C16orf87: variants seen among roughly 807,000 people sequenced by gnomAD.
C16orf87 encodes UPF0547 protein C16orf87.
In C16orf87, 13 loss-of-function variants were observed where a neutral mutation model predicts 21.0. The ratio of observed to expected loss-of-function variants is 0.62; its 90% CI spans 0.40 to 0.98. The LOEUF is 0.98. C16orf87 is among the 50% of genes least tolerant of loss of function. C16orf87 has a pLI of 0.00. For synonymous variants in C16orf87, 49 were observed against 60.2 expected (o/e 0.81, Z 0.86); for missense variants, 113 against 180.4 (o/e 0.63, Z 2.14).
At chr16:46,830,966 G>T in intron 1 of C16orf87, 118 bp downstream of exon 1, 1 of 622,006 alleles carries the variant, frequency 1.6e-6, no homozygotes, top group South Asian at 3.9e-5. Context: ...CGCCGCCGCC[G>T]GCGGGCCCCA....
At chr16:46,805,399 T>C (rs964825723) in intron 3 of C16orf87, among the ~76,000 whole-genome samples, 8 of 152,190 alleles carry the variant, frequency 5.3e-5, no homozygotes, top group Admixed American at 4.6e-4. Context: ...TCATCTATGT[T>C]TTGGGGTTTT....
intron 2 of C16orf87, among the ~76,000 whole-genome samples, chr16:46,819,557 G>A (rs943687999): frequency 6.6e-6 from 1 of 151,444 alleles, no homozygotes; most frequent in Admixed American, 6.6e-5. Context: ...TGATCCGCCC[G>A]CCTCAGTCTC....
chr16:46,826,330 T>C (rs1959618050), intron 1 of C16orf87, among the ~76,000 whole-genome samples: 1 of 152,208 alleles, frequency 6.6e-6, no homozygotes, highest in Admixed American at 6.5e-5. Flanking sequence ...CGAAAAAGTA[T>C]TTACAGAATA....
Position 46,799,595 on chromosome 16 carries a change from C to T in C16orf87, c.*3357G>A, listed in dbSNP as rs1002068106. On this transcript the variant is annotated 3_prime_UTR_variant, in exon 4 of 4. Transcript: ENST00000285697. ...ACGGACAAAATGTTTTAGAGAAGAACACAATTTGGCAGAATGACTACCTGT... is the reference window on the plus strand; with the variant it reads ...ACGGACAAAATGTTTTAGAGAAGAATACAATTTGGCAGAATGACTACCTGT... The T allele has an allele frequency of 6.6e-6, 1 of 152,182 alleles. No homozygotes were observed. The highest frequency in any genetic ancestry group is 1.5e-5 in the Non-Finnish European group (1 of 68,022). The allele number at this position is 152,182 out of a possible 1,614,324, so 9.4% of individuals were successfully genotyped here. A position where few individuals can be genotyped will look rare whatever the true frequency, so the allele number is the denominator to read the frequency against.
chr16:46,831,151 C>G lies in C16orf87; in HGVS notation c.-2G>C. 1 of 1,569,938 alleles carries G rather than the reference C, an allele frequency of 6.4e-7. No individual in the cohort carries two copies. The highest frequency in any genetic ancestry group is 8.7e-7 in the Non-Finnish European group (1 of 1,155,472). On this transcript the variant is annotated 5_prime_UTR_variant, in exon 1 of 4. Coordinates refer to ENST00000285697, the MANE Select transcript of C16orf87 (RefSeq NM_001001436.4). ...TTTCTTGGCTCGAGTTGCAGACATGCTCCTCTCCCTTAGCGGCGGCAGCAG... is the reference window on the plus strand; with the variant it reads ...TTTCTTGGCTCGAGTTGCAGACATGGTCCTCTCCCTTAGCGGCGGCAGCAG...
At chr16:46,810,899 G>C (rs1331149527) in intron 2 of C16orf87, among the ~76,000 whole-genome samples, 1 of 152,094 alleles carries the variant, frequency 6.6e-6, no homozygotes, top group Admixed American at 6.6e-5. Flanking sequence ...AACTGTAACA[G>C]ATTGAAATAT....
At chr16:46,807,085 A>G (rs755171209) in intron 3 of C16orf87, among the ~76,000 whole-genome samples, 1 of 152,262 alleles carries the variant, frequency 6.6e-6, no homozygotes, top group South Asian at 2.1e-4. Context: ...TTACTTCTGC[A>G]CCAACCTAAT....
At chr16:46,825,552 A>G (rs2143165000) in intron 1 of C16orf87, among the ~76,000 whole-genome samples, 1 of 152,322 alleles carries the variant, frequency 6.6e-6, no homozygotes, top group Middle Eastern at 3.4e-3. Context: ...CCCCTCAAGC[A>G]TTCTTCCTTT....
chr16:46,826,054 T>C (rs956567666), intron 1 of C16orf87, among the ~76,000 whole-genome samples: 1 of 152,060 alleles, frequency 6.6e-6, no homozygotes, highest in Non-Finnish European at 1.5e-5. Context: ...TAGGAGAAGG[T>C]AGGAATTTAG....
chr16:46,812,865 C>T (rs1968135044), intron 2 of C16orf87, among the ~76,000 whole-genome samples: 1 of 152,152 alleles, frequency 6.6e-6, no homozygotes, highest in Non-Finnish European at 1.5e-5. Flanking sequence ...CCTCACTTAC[C>T]ATCTTACACC....
intron 2 of C16orf87, among the ~76,000 whole-genome samples, chr16:46,813,884 T>C (rs925267037): frequency 6.6e-6 from 1 of 152,214 alleles, no homozygotes; most frequent in Non-Finnish European, 1.5e-5. Context: ...TCAATGCGTC[T>C]CCTCCATCAA....
intron 1 of C16orf87, among the ~76,000 whole-genome samples, chr16:46,829,229 A>AG (rs1254396866): frequency 6.6e-6 from 1 of 152,146 alleles, no homozygotes; most frequent in East Asian, 1.9e-4. Context: ...CCAAGAAGAG[A>AG]GCCCTCACCA....
intron 2 of C16orf87, among the ~76,000 whole-genome samples, chr16:46,822,143 C>CAG (rs1207782714): frequency 2.0e-5 from 3 of 152,142 alleles, no homozygotes; most frequent in Admixed American, 6.5e-5. Context: ...CTCAACTTCC[C>CAG]AGGCTGATGC....
At chr16:46,830,307 A>AGAGAGAGAGAGAGAGAGAGAGAGAGT (rs758468161) in intron 1 of C16orf87, among the ~76,000 whole-genome samples, 12 of 109,236 alleles carry the variant, frequency 1.1e-4, no homozygotes, top group Admixed American at 2.0e-4. Flanking sequence ...AGAGAGAGAG[A>AGAGAGAGAGAGAGAGAGAGAGAGAGT]GACACACAGA....
chr16:46,808,250 T>C (rs1479124893), intron 3 of C16orf87: 2 of 372,586 alleles, frequency 5.4e-6, no homozygotes, highest in Admixed American at 7.3e-5. Context: ...TAGTACAGCC[T>C]TCCTAGAATA....
chr16:46,828,361 TAAAA>T (rs1000366018), intron 1 of C16orf87, among the ~76,000 whole-genome samples: 1 of 151,836 alleles, frequency 6.6e-6, no homozygotes, highest in African/African-American at 2.4e-5. Flanking sequence ...TCCTTTAAAT[TAAAA>T]AAAAGCTGCT....
rs767373972 is a variant in C16orf87 at position 46,809,749 on chromosome 16, CT to C, written c.199del (p.Arg67GlufsTer7). 33 of 1,610,212 alleles carry C rather than the reference CT, an allele frequency of 2.0e-5. No homozygotes were observed. Among genetic ancestry groups the C allele is most frequent in the Non-Finnish European group, 2.7e-5 (32 of 1,177,134 alleles). ...AGAATTTATCTTCTCTCTCCTAACT[CT>C]CTCTGTTCGCCTCCTCTTGGCCTCA... ...KHEAKRRRTE[R>X]VRREKINSTV... On this transcript the variant is annotated frameshift_variant, in exon 3 of 4. Transcript: ENST00000285697. LOFTEE classifies it high-confidence loss of function.
At chr16:46,815,931 A>G (rs2143112417) in intron 2 of C16orf87, among the ~76,000 whole-genome samples, 1 of 152,342 alleles carries the variant, frequency 6.6e-6, no homozygotes, top group East Asian at 1.9e-4. Context: ...AGAGATCAGG[A>G]CAGATATTTG....
rs922489666 is a variant in C16orf87 at position 46,797,041 on chromosome 16, G to A, written c.*5911C>T. 6 of 152,174 alleles carry A rather than the reference G, an allele frequency of 3.9e-5. No individual in the cohort carries two copies. The highest frequency in any genetic ancestry group is 6.5e-5 in the Admixed American group (1 of 15,274). 9.4% of individuals were successfully genotyped at this position (152,174 alleles called of 1,614,324 possible). A position where few individuals can be genotyped will look rare whatever the true frequency, so the allele number is the denominator to read the frequency against. ...CACATTTCTCATCAGAAACCATGGA[G>A]GCTGAAAGAACTGTCAACACAGTAG... On this transcript the variant is annotated 3_prime_UTR_variant, in exon 4 of 4. Coordinates refer to ENST00000285697, the MANE Select transcript of C16orf87 (RefSeq NM_001001436.4).
Sources: gnomAD v4.1 joint callset for allele counts (sites outside exome capture counted in the v4.1 genomes callset) on GRCh38, gnomAD v4.1.1 for gene constraint, MANE v1.5 for transcripts, NCBI Gene and HGNC (gene_info 2026-07-23, HGNC 2026-07-21) for gene names.